The following NEK4 variants were observed in gnomAD, a reference collection of about 807,000 sequenced individuals.
NEK4 encodes the protein serine/threonine-protein kinase Nek4.
In NEK4, 86 loss-of-function variants were observed where a neutral mutation model predicts 98.4. The ratio of observed to expected loss-of-function variants is 0.87; its 90% CI spans 0.73 to 1.05. NEK4 has a LOEUF of 1.05. Ranked by LOEUF, NEK4 falls within the 50% of genes least tolerant of loss-of-function variation. NEK4 has a pLI of 0.00. For missense variants in NEK4, 898 were observed against 950.3 expected (o/e 0.94, Z 0.72); for synonymous variants, 328 against 342.2 (o/e 0.96, Z 0.46).
In NEK4 at chr3:52,739,350, G is replaced by C. The variant is rs569549975; in HGVS notation, c.2299+79C>G. On this transcript the variant is annotated intron_variant, in intron 14 of 15. Transcript: ENST00000233027. ...GGAGGCAAAGGTTGCAGTGAGCCAA[G>C]ATCACACTACTGCACTCCAGCCTGG... 1.7e-5 allele frequency: 21 copies of C among 1,235,722 alleles called. No individual in the cohort carries two copies. In the East Asian group the frequency reaches 4.7e-4, roughly 27 times the overall value. The allele number at this position is 1,235,722 out of a possible 1,614,324, so 76.5% of individuals were successfully genotyped here.
chr3:52,714,353 G>A (rs1429747825), intron 15 of NEK4, among the ~76,000 whole-genome samples: 3 of 152,236 alleles, frequency 2.0e-5, no homozygotes, highest in Non-Finnish European at 4.4e-5. Context: ...CGGGCCATCC[G>A]GAGCAGCCGC....
chr3:52,719,820 T>C (rs1455018906), intron 15 of NEK4, among the ~76,000 whole-genome samples: 1 of 151,936 alleles, frequency 6.6e-6, no homozygotes, highest in Non-Finnish European at 1.5e-5. Context: ...AACAGCATAC[T>C]TACACTGGCA....
chr3:52,766,992 C>CAA (rs755690122), intron 2 of NEK4, among the ~76,000 whole-genome samples: 1 of 126,240 alleles, frequency 7.9e-6, no homozygotes, highest in African/African-American at 3.0e-5. Flanking sequence ...GACTCCGTCT[C>CAA]AAAAAAAAAA....
In NEK4 at chr3:52,736,501, G is replaced by A. The variant is rs181089495; in HGVS notation, c.2433+1085C>T. ...CTCGGGAGGCTGAGGCAGGAGAATG[G>A]CGTGAACCAGGGAGGCAGAGCTTAC... is the stretch of plus-strand genomic sequence containing the variant. On this transcript the variant is annotated intron_variant, in intron 15 of 15. Transcript: ENST00000233027. Among the ~76,000 whole-genome samples the A allele has an allele frequency of 2.9e-4, 44 of 152,004 alleles. 2 individuals are homozygous for A. In the East Asian group the frequency reaches 8.2e-3, roughly 28 times the overall value.
At chr3:52,743,525 T>C in intron 11 of NEK4, 64 bp from the exon 12 acceptor site, 1 of 1,274,712 alleles carries the variant, frequency 7.8e-7, no homozygotes, top group Non-Finnish European at 1.1e-6. Context: ...AAGGGCTTTG[T>C]ATTTGGTATG....
chr3:52,752,925 T>TACACACACACACACACACACACAC, intron 6 of NEK4, among the ~76,000 whole-genome samples: 1 of 43,180 alleles, frequency 2.3e-5, no homozygotes, highest in African/African-American at 9.2e-5. Flanking sequence ...AAAATATATA[T>TACACACACACACACACACACACAC]ATATATATAC....
chr3:52,739,680 A>T, intron 13 of NEK4, 46 bp from the exon 14 acceptor site: 1 of 1,518,314 alleles, frequency 6.6e-7, no homozygotes, highest in Non-Finnish European at 9.1e-7. Context: ...GCTTCATGAG[A>T]ATTTTTCATT....
At chr3:52,724,406 A>C (rs1401215412) in intron 15 of NEK4, among the ~76,000 whole-genome samples, 1 of 152,222 alleles carries the variant, frequency 6.6e-6, no homozygotes, top group African/African-American at 2.4e-5. Context: ...AATATATTCA[A>C]AATGCTAAAA....
chr3:52,716,722 A>G (rs1349004982), intron 15 of NEK4, among the ~76,000 whole-genome samples: 2 of 152,232 alleles, frequency 1.3e-5, no homozygotes, highest in African/African-American at 4.8e-5. Context: ...AATCACAATA[A>G]ACCCAATTGA....
chr3:52,742,075 C>T (rs2097387335), intron 12 of NEK4, among the ~76,000 whole-genome samples: 1 of 151,924 alleles, frequency 6.6e-6, no homozygotes, highest in Admixed American at 6.6e-5. Context: ...ACCGCGCCTG[C>T]CCAAGGTGAA....
chr3:52,766,010 A>T lies in NEK4; in HGVS notation c.559-16T>A, dbSNP rs1559451527. The T allele has an allele frequency of 1.3e-6, 2 of 1,553,914 alleles. No individual in the cohort carries two copies. Among genetic ancestry groups the T allele is most frequent in the Non-Finnish European group, 1.8e-6 (2 of 1,128,652 alleles). On this transcript the variant is annotated splice_polypyrimidine_tract_variant and intron_variant, in intron 3 of 15. Coordinates refer to ENST00000233027, the MANE Select transcript of NEK4 (RefSeq NM_003157.6). ...AAACATCAGACTAGAAAATAAAAAC[A>T]GTAAACGGTTAAATGTCAGAATAGC...
At chr3:52,721,881 G>A (rs2097360419) in intron 15 of NEK4, among the ~76,000 whole-genome samples, 1 of 152,150 alleles carries the variant, frequency 6.6e-6, no homozygotes, top group Admixed American at 6.5e-5. Flanking sequence ...AGTGACAGGA[G>A]GTGGCCAAAT....
At chr3:52,770,619 G>GC (rs1698743603) in intron 1 of NEK4, 35 bp downstream of exon 1, 57 of 954,518 alleles carry the variant, frequency 6.0e-5, no homozygotes, top group Non-Finnish European at 8.2e-5. Context: ...ACTTCTGCCC[G>GC]CCCCCGCCCC....
intron 5 of NEK4, among the ~76,000 whole-genome samples, chr3:52,763,190 G>A (rs900680004): frequency 6.6e-6 from 1 of 152,080 alleles, no homozygotes; most frequent in East Asian, 1.9e-4. Flanking sequence ...TAGAAGTTAG[G>A]TCTTCATTTC....
intron 15 of NEK4, among the ~76,000 whole-genome samples, chr3:52,723,742 C>T (rs1488943643): frequency 2.0e-5 from 3 of 152,094 alleles, no homozygotes; most frequent in Middle Eastern, 3.4e-3. Flanking sequence ...CCAACGTAAG[C>T]AATGTGGGAG....
chr3:52,717,235 G>A (rs773688411), intron 15 of NEK4, among the ~76,000 whole-genome samples: 1 of 151,780 alleles, frequency 6.6e-6, no homozygotes, highest in South Asian at 2.1e-4. Context: ...TGGTGAAACC[G>A]CATCTCTACT....
chr3:52,768,323 T>C lies in NEK4; in HGVS notation c.360+15A>G. On this transcript the variant is annotated intron_variant, in intron 2 of 15. Transcript: ENST00000233027. ...ATCTGGGAACAAGCTAGGATGCTAT[T>C]AGTCTACACAGTACCTGCAAAGCCA... The C allele has an allele frequency of 3.1e-6, 5 of 1,602,876 alleles. No homozygotes were observed. Among genetic ancestry groups the C allele is most frequent in the South Asian group, 1.1e-5 (1 of 90,002 alleles).
chr3:52,753,624 T>C (rs1019784715), intron 6 of NEK4: 5 of 583,994 alleles, frequency 8.6e-6, no homozygotes, highest in Non-Finnish European at 1.7e-5. Flanking sequence ...TGATGAACTA[T>C]GCCAAAGAAA....
At chr3:52,758,178 CAAAAAAAA>C (rs35117059) in intron 6 of NEK4, among the ~76,000 whole-genome samples, 3 of 62,786 alleles carry the variant, frequency 4.8e-5, no homozygotes, top group African/African-American at 2.1e-4. Context: ...GACACCATCT[CAAAAAAAA>C]AAAAAAAAAA....
Sources: allele counts gnomAD v4.1 joint callset (sites outside exome capture counted in the v4.1 genomes callset), GRCh38; gene constraint gnomAD v4.1.1; transcripts MANE v1.5; gene names NCBI Gene and HGNC (gene_info 2026-07-23, HGNC 2026-07-21).